Variants in XRCC4 observed in about 807,000 individuals in gnomAD.
XRCC4 encodes the protein DNA repair protein XRCC4.
Under a neutral mutation model 39.1 loss-of-function variants are expected in XRCC4, and 28 were observed. The ratio of observed to expected loss-of-function variants is 0.72; its 90% CI spans 0.53 to 0.98. The LOEUF (loss-of-function observed/expected upper bound fraction) is 0.98. Among genes scored for constraint, XRCC4 ranks in the 50% least tolerant of loss-of-function variants. The pLI, the probability that XRCC4 is intolerant of heterozygous loss-of-function variation, is 0.00. For missense variants in XRCC4, 350 were observed against 376.4 expected, an observed-to-expected ratio of 0.93 and a Z score of 0.58; for synonymous variants, 123 against 126.4, an observed-to-expected ratio of 0.97 and a Z score of 0.18.
chr5:83,371,855 C>G, the XRCC4 span, among the ~76,000 whole-genome samples: 4 of 152,018 alleles, frequency 2.6e-5, no homozygotes, highest in Non-Finnish European at 5.9e-5. Context: ...GGCAGACACA[C>G]ACAAAAAAGG....
At chr5:83,113,544 T>C (rs1479641612) in intron 3 of XRCC4, among the ~76,000 whole-genome samples, 4 of 152,112 alleles carry the variant, frequency 2.6e-5, no homozygotes, top group African/African-American at 7.2e-5. Flanking sequence ...ATTTCCCTTC[T>C]ATACTGCCCT....
intron 6 of XRCC4, among the ~76,000 whole-genome samples, chr5:83,222,990 T>C (rs1051435890): frequency 2.6e-5 from 4 of 152,124 alleles, no homozygotes; most frequent in African/African-American, 9.7e-5. Flanking sequence ...TCAAGCAATG[T>C]ACCTGCCTTG....
At chr5:83,126,151 A>T (rs546246987) in intron 3 of XRCC4, among the ~76,000 whole-genome samples, 1 of 151,722 alleles carries the variant, frequency 6.6e-6, no homozygotes, top group African/African-American at 2.4e-5. Flanking sequence ...GTTTATCAAC[A>T]TGGTATGTCT....
chr5:83,128,977 T>A (rs1344748533), intron 3 of XRCC4, among the ~76,000 whole-genome samples: 18 of 152,184 alleles, frequency 1.2e-4, no homozygotes, highest in Non-Finnish European at 2.5e-4. Context: ...CTCCTTAGTT[T>A]AATTAGATCC....
intron 1 of XRCC4, among the ~76,000 whole-genome samples, chr5:83,091,346 C>G (rs1256056778): frequency 2.6e-5 from 4 of 152,272 alleles, no homozygotes; most frequent in Admixed American, 6.5e-5. Flanking sequence ...AACTGCCAAA[C>G]TATTAAAACC....
chr5:83,328,298 T>TGA (rs969067382), intron 7 of XRCC4, among the ~76,000 whole-genome samples: 2 of 152,066 alleles, frequency 1.3e-5, no homozygotes, highest in African/African-American at 4.8e-5. Flanking sequence ...CAATTCAAGT[T>TGA]GAGATTTGGA....
At chr5:83,238,949 G>T (rs1001364808) in intron 6 of XRCC4, among the ~76,000 whole-genome samples, 4 of 152,154 alleles carry the variant, frequency 2.6e-5, no homozygotes, top group Non-Finnish European at 5.9e-5. Flanking sequence ...TCTGAAGTAG[G>T]CTGGTATCTC....
chr5:83,100,781 T>C (rs1316866890), intron 1 of XRCC4, among the ~76,000 whole-genome samples: 1 of 130,898 alleles, frequency 7.6e-6, no homozygotes, highest in Non-Finnish European at 1.8e-5. Context: ...CTATATGTCT[T>C]TTTCAATGAT....
intron 7 of XRCC4, among the ~76,000 whole-genome samples, chr5:83,266,218 G>A (rs1753948829): frequency 6.6e-6 from 1 of 150,962 alleles, no homozygotes; most frequent in Non-Finnish European, 1.5e-5. Context: ...ATAATTTATG[G>A]TTCAGTATTA....
At chr5:83,138,455 G>T (rs113286034) in intron 3 of XRCC4, among the ~76,000 whole-genome samples, 13 of 152,036 alleles carry the variant, frequency 8.6e-5, no homozygotes, top group African/African-American at 2.7e-4. Flanking sequence ...ATGTTTGCTA[G>T]TAGACCCAGA....
intron 3 of XRCC4, among the ~76,000 whole-genome samples, 154 bp from the exon 4 acceptor site, chr5:83,195,616 G>GT (rs1217101018): frequency 1.3e-5 from 2 of 152,058 alleles, no homozygotes; most frequent in African/African-American, 2.4e-5. Flanking sequence ...TAGAAGCCCA[G>GT]TTTTTTTGCT....
chr5:83,086,630 G>A (rs1310392486), intron 1 of XRCC4, among the ~76,000 whole-genome samples: 1 of 152,142 alleles, frequency 6.6e-6, no homozygotes, highest in African/African-American at 2.4e-5. Flanking sequence ...GGTAGAGGAG[G>A]TGGAAGAGGA....
intron 6 of XRCC4, among the ~76,000 whole-genome samples, chr5:83,255,647 A>G (rs576052746): frequency 6.6e-6 from 1 of 152,200 alleles, no homozygotes; most frequent in African/African-American, 2.4e-5. Context: ...TTTGCCACAC[A>G]TACGATTATT....
chr5:83,277,332 CAT>C (rs1336536765), intron 7 of XRCC4, among the ~76,000 whole-genome samples: 1 of 152,172 alleles, frequency 6.6e-6, no homozygotes, highest in Admixed American at 6.5e-5. Context: ...TTAAAAGTGA[CAT>C]GTGTAACTTC....
intron 6 of XRCC4, among the ~76,000 whole-genome samples, chr5:83,255,539 T>A (rs1753505721): frequency 6.6e-6 from 1 of 152,234 alleles, no homozygotes; most frequent in African/African-American, 2.4e-5. Context: ...ATTTGTGGTA[T>A]AATAATGATA....
intron 3 of XRCC4, among the ~76,000 whole-genome samples, chr5:83,127,064 C>T (rs1182607691): frequency 6.6e-6 from 1 of 152,038 alleles, no homozygotes; most frequent in Non-Finnish European, 1.5e-5. Context: ...TTGAGTCTCA[C>T]CCATATCTGA....
intron 4 of XRCC4, among the ~76,000 whole-genome samples, chr5:83,196,260 AT>A (rs1465709006): frequency 3.3e-5 from 5 of 152,094 alleles, no homozygotes; most frequent in African/African-American, 1.2e-4. Context: ...AAATTATAGG[AT>A]TAATAATGAA....
intron 7 of XRCC4, among the ~76,000 whole-genome samples, chr5:83,290,334 A>G (rs1754880028): frequency 6.6e-6 from 1 of 151,706 alleles, no homozygotes; most frequent in South Asian, 2.1e-4. Flanking sequence ...ACTTATATAT[A>G]CATTGTATAG....
At chr5:83,105,801 C>T (rs1387069899) in intron 2 of XRCC4, among the ~76,000 whole-genome samples, 2 of 151,998 alleles carry the variant, frequency 1.3e-5, no homozygotes, top group Non-Finnish European at 2.9e-5. Context: ...ATAATGTTTT[C>T]TGTAAGATAA....
Sources: allele counts gnomAD v4.1 joint callset (sites outside exome capture counted in the v4.1 genomes callset), GRCh38; gene constraint gnomAD v4.1.1; transcripts MANE v1.5; gene names NCBI Gene and HGNC (gene_info 2026-07-23, HGNC 2026-07-21).